The following AGBL4 variants were observed in gnomAD, a reference collection of about 807,000 sequenced individuals.
The protein encoded by AGBL4 is AGBL carboxypeptidase 4.
Under a neutral mutation model 66.4 loss-of-function variants are expected in AGBL4, and 58 were observed. The observed-to-expected ratio is 0.87, with a 90% CI of 0.71 to 1.09. The LOEUF is 1.09. Ranked by LOEUF, AGBL4 falls within the 50% of genes least tolerant of loss-of-function variation. AGBL4 has a pLI of 0.00. For missense variants in AGBL4, 579 were observed against 631.0 expected (o/e 0.92, Z 0.88); for synonymous variants, 234 against 222.9 (o/e 1.05, Z -0.44).
chr1:48,962,919 T>C (rs971027474), intron 5 of AGBL4, among the ~76,000 whole-genome samples: 11 of 151,748 alleles, frequency 7.2e-5, no homozygotes, highest in African/African-American at 2.7e-4. Flanking sequence ...ATGTACCTTA[T>C]GAAGCTGTGG....
chr1:49,487,146 T>G (rs182312275), intron 3 of AGBL4, among the ~76,000 whole-genome samples: 1 of 151,998 alleles, frequency 6.6e-6, no homozygotes, highest in Non-Finnish European at 1.5e-5. Context: ...AGTATTATTA[T>G]GCTATGCTCA....
At chr1:49,209,114 C>T (rs1234379327) in intron 4 of AGBL4, among the ~76,000 whole-genome samples, 2 of 152,046 alleles carry the variant, frequency 1.3e-5, no homozygotes, top group Non-Finnish European at 2.9e-5. Flanking sequence ...CACATATATT[C>T]CAGTAATTTT....
intron 3 of AGBL4, among the ~76,000 whole-genome samples, chr1:49,428,266 T>A (rs970718237): frequency 6.6e-5 from 10 of 152,242 alleles, no homozygotes; most frequent in Non-Finnish European, 1.2e-4. Flanking sequence ...TGTTTTGTTT[T>A]ATTTTTCTTT....
At chr1:49,820,485 G>C (rs1404138119) in intron 2 of AGBL4, among the ~76,000 whole-genome samples, 2 of 152,100 alleles carry the variant, frequency 1.3e-5, no homozygotes, top group Non-Finnish European at 2.9e-5. Context: ...CATCAACTGT[G>C]AGATGATGTG....
intron 2 of AGBL4, among the ~76,000 whole-genome samples, chr1:49,750,309 C>A (rs1651347328): frequency 1.3e-5 from 2 of 152,084 alleles, no homozygotes. Flanking sequence ...CAGTTTTCTG[C>A]ATATGGCTAG....
At chr1:49,100,059 A>G (rs1269316785) in intron 4 of AGBL4, among the ~76,000 whole-genome samples, 2 of 152,194 alleles carry the variant, frequency 1.3e-5, no homozygotes, top group East Asian at 3.9e-4. Flanking sequence ...GCAGCAGGTC[A>G]GATTCTCCAT....
chr1:49,212,945 A>G (rs895937577), intron 4 of AGBL4, among the ~76,000 whole-genome samples: 4 of 152,124 alleles, frequency 2.6e-5, no homozygotes, highest in South Asian at 2.1e-4. Flanking sequence ...AAAAGCATTT[A>G]TTTTTATTTA....
chr1:49,521,069 A>G (rs1387479423), intron 3 of AGBL4, among the ~76,000 whole-genome samples: 1 of 151,988 alleles, frequency 6.6e-6, no homozygotes, highest in Non-Finnish European at 1.5e-5. Flanking sequence ...TTGGCCCCTC[A>G]AAGTGCTGGG....
intron 4 of AGBL4, among the ~76,000 whole-genome samples, chr1:49,229,170 G>GA (rs1380074381): frequency 6.6e-6 from 1 of 152,164 alleles, no homozygotes; most frequent in Non-Finnish European, 1.5e-5. Context: ...AACAACCTGT[G>GA]AAAAATTGGC....
intron 11 of AGBL4, among the ~76,000 whole-genome samples, chr1:48,550,230 T>C (rs1449282281): frequency 6.6e-6 from 1 of 152,160 alleles, no homozygotes; most frequent in Non-Finnish European, 1.5e-5. Flanking sequence ...ACAACAGAAA[T>C]GTATTCTCTC....
At chr1:49,392,656 C>T (rs1644875383) in intron 3 of AGBL4, among the ~76,000 whole-genome samples, 1 of 151,778 alleles carries the variant, frequency 6.6e-6, no homozygotes, top group South Asian at 2.1e-4. Context: ...TTGTCACATG[C>T]CAATTTCACA....
chr1:49,102,218 A>G (rs549638986), intron 4 of AGBL4, among the ~76,000 whole-genome samples: 1 of 152,240 alleles, frequency 6.6e-6, no homozygotes, highest in Non-Finnish European at 1.5e-5. Flanking sequence ...GTGGATCCAA[A>G]ATTCCCATGG....
chr1:49,797,168 TTCAC>T (rs1644751929), intron 2 of AGBL4, among the ~76,000 whole-genome samples: 1 of 152,152 alleles, frequency 6.6e-6, no homozygotes, highest in Non-Finnish European at 1.5e-5. Flanking sequence ...TCCTGCCAAT[TTCAC>T]AAAAATATTT....
At chr1:49,865,233 GA>G (rs1646673071) in intron 1 of AGBL4, among the ~76,000 whole-genome samples, 1 of 152,174 alleles carries the variant, frequency 6.6e-6, no homozygotes, top group African/African-American at 2.4e-5. Flanking sequence ...CCCCAGTGCA[GA>G]CAGCCCCTCC....
chr1:49,182,203 T>C (rs1646942323), intron 4 of AGBL4, among the ~76,000 whole-genome samples: 1 of 152,206 alleles, frequency 6.6e-6, no homozygotes, highest in African/African-American at 2.4e-5. Flanking sequence ...TCCTGAAAGA[T>C]AGCACAAAAT....
chr1:49,115,400 T>A (rs920801107), intron 4 of AGBL4, among the ~76,000 whole-genome samples: 2 of 152,190 alleles, frequency 1.3e-5, no homozygotes, highest in South Asian at 2.1e-4. Flanking sequence ...TACTGTAATA[T>A]CACAGTGGAC....
intron 6 of AGBL4, among the ~76,000 whole-genome samples, chr1:48,854,303 CTG>C (rs755403251): frequency 1.8e-4 from 28 of 152,186 alleles, no homozygotes; most frequent in Non-Finnish European, 3.8e-4. Flanking sequence ...CTCCTAGACT[CTG>C]TGGTCTGCTC....
At chr1:49,103,880 C>G (rs995494949) in intron 4 of AGBL4, among the ~76,000 whole-genome samples, 1 of 152,138 alleles carries the variant, frequency 6.6e-6, no homozygotes, top group Non-Finnish European at 1.5e-5. Flanking sequence ...TCATCATAAT[C>G]CCCCCTTTCC....
intron 1 of AGBL4, among the ~76,000 whole-genome samples, chr1:50,010,306 C>CA (rs35823694): frequency 3.5e-4 from 51 of 144,552 alleles, no homozygotes; most frequent in Admixed American, 1.7e-3. Context: ...GACTCCATCT[C>CA]AAAAAAAAAA....
Sources: gnomAD v4.1 joint callset for allele counts (sites outside exome capture counted in the v4.1 genomes callset) on GRCh38, gnomAD v4.1.1 for gene constraint, MANE v1.5 for transcripts, NCBI Gene and HGNC (gene_info 2026-07-23, HGNC 2026-07-21) for gene names.